PLCL1: variants seen among roughly 807,000 people sequenced by gnomAD.
PLCL1 encodes the protein inactive phospholipase C-like protein 1.
A neutral mutation model predicts 84.4 loss-of-function variants in PLCL1; 41 were observed. The ratio of observed to expected loss-of-function variants is 0.49; its 90% confidence interval spans 0.38 to 0.63. The LOEUF (loss-of-function observed/expected upper bound fraction) is 0.63. Ranked by LOEUF, PLCL1 falls within the 30% of genes least tolerant of loss-of-function variation. The probability of loss-of-function intolerance (pLI) is 0.00; values close to 1 mark genes in which losing one functional copy is unlikely to be tolerated. For synonymous variants in PLCL1, 490 were observed against 488.3 expected, an observed-to-expected ratio of 1.00 and a Z score of -0.05; for missense variants, 1,206 against 1,367.8, an observed-to-expected ratio of 0.88 and a Z score of 1.87.
intron 3 of PLCL1, among the ~76,000 whole-genome samples, chr2:198,096,208 A>T (rs977087400): frequency 2.0e-5 from 3 of 152,182 alleles, no homozygotes; most frequent in African/African-American, 4.8e-5. Flanking sequence ...GTGTTCAGAG[A>T]GTTGACCACA....
At position 197,918,938 on chromosome 2, in the gene PLCL1, C is replaced by G. The variant is rs561909336; in HGVS notation, c.240+113599C>G. Among the ~76,000 whole-genome samples, 4 of 113,674 alleles carry G rather than the reference C, an allele frequency of 3.5e-5. No individual in the cohort carries two copies. The East Asian group carries it at 1.3e-3, about 37-fold the overall frequency. The allele number at this position is 113,674 out of a possible 152,430, so 74.6% of individuals were successfully genotyped here. On this transcript the variant is annotated intron_variant, in intron 1 of 5. Coordinates refer to ENST00000428675, the MANE Select transcript of PLCL1 (RefSeq NM_006226.4). ...CCTGGGCAACAGACGGAGACCCTGT[C>G]TCTCTCTCTCTCTCTCTCTCTCTCT...
intron 1 of PLCL1, among the ~76,000 whole-genome samples, chr2:197,972,612 T>C (rs139256699): frequency 1.6e-4 from 24 of 152,358 alleles, no homozygotes; most frequent in African/African-American, 5.3e-4. Flanking sequence ...TATTCTGAAT[T>C]GCTGGAGATC....
intron 1 of PLCL1, among the ~76,000 whole-genome samples, chr2:198,054,147 C>A (rs938754391): frequency 3.3e-5 from 5 of 152,152 alleles, no homozygotes; most frequent in Admixed American, 1.3e-4. Flanking sequence ...TATGTATGCA[C>A]CCAACATCAG....
At chr2:198,072,979 A>G (rs530635824) in intron 1 of PLCL1, among the ~76,000 whole-genome samples, 2 of 152,242 alleles carry the variant, frequency 1.3e-5, no homozygotes, top group East Asian at 1.9e-4. Flanking sequence ...TCCTTGACAC[A>G]GCCCTATGAA....
chr2:198,050,335 T>TA (rs1011360704), intron 1 of PLCL1, among the ~76,000 whole-genome samples: 13 of 152,076 alleles, frequency 8.5e-5, no homozygotes, highest in Middle Eastern at 3.2e-3. Context: ...AACTCTTCAA[T>TA]ACCCAGTACA....
In PLCL1 at chr2:197,813,474, T is replaced by C. The variant is rs972378743; in HGVS notation, c.240+8135T>C. ...CTCCAGCTTTGAAATATTTTGGAAG[T>C]ATTGATTTCATATCATAATTAAATA... On this transcript the variant is annotated intron_variant, in intron 1 of 5. Coordinates refer to ENST00000428675, the MANE Select transcript of PLCL1 (RefSeq NM_006226.4). Among the ~76,000 whole-genome samples, 3 of 152,154 alleles carry C rather than the reference T, an allele frequency of 2.0e-5. No individual in the cohort carries two copies. The East Asian group carries it at 5.8e-4, about 29-fold the overall frequency.
chr2:197,939,717 CTTTTTTTTTTT>C (rs869135841), intron 1 of PLCL1, among the ~76,000 whole-genome samples: 18 of 112,186 alleles, frequency 1.6e-4, no homozygotes, highest in Non-Finnish European at 2.9e-4. Context: ...CTTCAACAGA[CTTTTTTTTTTT>C]TTTTTTTTTT....
intron 1 of PLCL1, among the ~76,000 whole-genome samples, chr2:198,052,104 G>T (rs1364644640): frequency 6.6e-6 from 1 of 152,166 alleles, no homozygotes; most frequent in Non-Finnish European, 1.5e-5. Flanking sequence ...TAGAGACAGG[G>T]TTTCTCCATG....
chr2:198,054,803 T>C (rs904878326), intron 1 of PLCL1, among the ~76,000 whole-genome samples: 1 of 152,208 alleles, frequency 6.6e-6, no homozygotes, highest in African/African-American at 2.4e-5. Context: ...TGGGTTAAGA[T>C]AGTTCATAGT....
chr2:198,015,688 G>A (rs1690979647), intron 1 of PLCL1, among the ~76,000 whole-genome samples: 1 of 152,056 alleles, frequency 6.6e-6, no homozygotes, highest in Non-Finnish European at 1.5e-5. Flanking sequence ...GTTAACAAAT[G>A]GATAAAAATA....
At chr2:197,897,141 C>G (rs902236426) in intron 1 of PLCL1, among the ~76,000 whole-genome samples, 1 of 30,282 alleles carries the variant, frequency 3.3e-5, no homozygotes, top group Admixed American at 3.1e-4. Flanking sequence ...TCTTCTTCTT[C>G]TTCTTCTTCT....
intron 1 of PLCL1, among the ~76,000 whole-genome samples, chr2:198,042,030 C>T (rs752966478): frequency 1.1e-4 from 17 of 152,168 alleles, no homozygotes; most frequent in South Asian, 4.1e-4. Flanking sequence ...TTCTATCCTC[C>T]GCCTTTCCAG....
chr2:197,890,682 C>CTGTATATATATATATATATATATATA (rs1687998798), intron 1 of PLCL1, among the ~76,000 whole-genome samples: 2 of 116,196 alleles, frequency 1.7e-5, no homozygotes, highest in African/African-American at 7.5e-5. Flanking sequence ...TATTTTTTTG[C>CTGTATATATATATATATATATATATA]TATATATATA....
intron 1 of PLCL1, among the ~76,000 whole-genome samples, chr2:197,956,395 C>T (rs982628581): frequency 1.3e-5 from 2 of 152,094 alleles, no homozygotes; most frequent in Non-Finnish European, 2.9e-5. Context: ...GTGCATGTGT[C>T]TTTATAGTAC....
chr2:197,962,200 A>G lies in PLCL1; in HGVS notation c.241-121558A>G. ...TACATGTATTAATAAGTCATTTAGG[A>G]TGCCAATGTAGAGACCACCCAGCAT... On this transcript the variant is annotated intron_variant, in intron 1 of 5. Transcript: ENST00000428675. Among the ~76,000 whole-genome samples, 2 of 152,070 alleles carry G rather than the reference A, an allele frequency of 1.3e-5. 1 individual carries two copies. Among genetic ancestry groups the G allele is most frequent in the Non-Finnish European group, 2.9e-5 (2 of 67,976 alleles).
At chr2:197,977,166 A>G (rs182615969) in intron 1 of PLCL1, among the ~76,000 whole-genome samples, 1 of 152,184 alleles carries the variant, frequency 6.6e-6, no homozygotes. Context: ...TTTGTTAACA[A>G]TAAGGAAAAT....
chr2:197,945,888 A>G (rs1689261946), intron 1 of PLCL1, among the ~76,000 whole-genome samples: 1 of 152,172 alleles, frequency 6.6e-6, no homozygotes, highest in African/African-American at 2.4e-5. Flanking sequence ...ACACTTTAAT[A>G]TTACATTAAA....
At chr2:197,834,431 A>G (rs1054578168) in intron 1 of PLCL1, among the ~76,000 whole-genome samples, 1 of 152,242 alleles carries the variant, frequency 6.6e-6, no homozygotes, top group African/African-American at 2.4e-5. Context: ...TCCAGAATCT[A>G]CAAAGAGCTT....
chr2:197,872,139 A>C (rs1254934295), intron 1 of PLCL1, among the ~76,000 whole-genome samples: 2 of 152,172 alleles, frequency 1.3e-5, no homozygotes, highest in African/African-American at 4.8e-5. Context: ...TTGACCTGAA[A>C]TAATTTGTTA....
Sources: allele counts gnomAD v4.1 joint callset (sites outside exome capture counted in the v4.1 genomes callset), GRCh38; gene constraint gnomAD v4.1.1; transcripts MANE v1.5; gene names NCBI Gene and HGNC (gene_info 2026-07-23, HGNC 2026-07-21).